The following ADK variants were observed in gnomAD, a reference collection of about 807,000 sequenced individuals.
ADK encodes adenosine kinase.
Under a neutral mutation model 44.7 loss-of-function variants are expected in ADK, and 24 were observed. That is an observed-to-expected ratio of 0.54 (90% CI 0.39 to 0.76). The LOEUF (loss-of-function observed/expected upper bound fraction) is 0.76. ADK is among the 30% of genes least tolerant of loss of function. ADK has a pLI of 0.00. For missense variants in ADK, 321 were observed against 425.1 expected (o/e 0.76, Z 2.15); for synonymous variants, 128 against 142.6 (o/e 0.90, Z 0.73).
chr10:74,294,763 A>T lies in ADK; in HGVS notation c.195-19904A>T, dbSNP rs1839751288. 1.3e-5 allele frequency among the ~76,000 whole-genome samples: 2 copies of T among 152,160 alleles called. 1 individual carries two copies. Among genetic ancestry groups the T allele is most frequent in the South Asian group, 4.1e-4 (2 of 4,824 alleles). On this transcript the variant is annotated intron_variant, in intron 3 of 10. Transcript: ENST00000539909. ...AATAAAGTTAAGCTTTTAAAAATTT[A>T]TTTATATGTTGATCAATTAGATATA...
At chr10:74,188,343 AT>A (rs765922880) in intron 1 of ADK, among the ~76,000 whole-genome samples, 9,830 of 81,282 alleles carry the variant, frequency 0.12, 167 homozygotes, top group Middle Eastern at 0.24. Flanking sequence ...TGTATTTTTA[AT>A]TTTTTTTTTT....
At chr10:74,499,485 G>A (rs369884283) in intron 6 of ADK, among the ~76,000 whole-genome samples, 1 of 152,100 alleles carries the variant, frequency 6.6e-6, no homozygotes, top group East Asian at 1.9e-4. Context: ...TCAGGAGATC[G>A]AGACCATCCT....
intron 8 of ADK, among the ~76,000 whole-genome samples, chr10:74,592,866 G>T (rs1360187482): frequency 6.6e-6 from 1 of 152,064 alleles, no homozygotes; most frequent in Non-Finnish European, 1.5e-5. Flanking sequence ...TGGCCTTTTG[G>T]CTAAGATCAA....
intron 4 of ADK, chr10:74,372,274 C>A (rs1421220099): frequency 3.9e-6 from 3 of 762,364 alleles, no homozygotes; most frequent in Non-Finnish European, 7.2e-6. Context: ...GCAGACTGGT[C>A]TGAAGGTGTG....
intron 1 of ADK, among the ~76,000 whole-genome samples, chr10:74,183,581 G>T (rs1842638295): frequency 6.6e-6 from 1 of 151,884 alleles, no homozygotes; most frequent in Non-Finnish European, 1.5e-5. Flanking sequence ...CGCCATCTTG[G>T]CTCACCGCAA....
At chr10:74,376,827 CTG>C (rs1364325269) in intron 4 of ADK, among the ~76,000 whole-genome samples, 2 of 139,422 alleles carry the variant, frequency 1.4e-5, no homozygotes, top group African/African-American at 5.4e-5. Flanking sequence ...AAAAGAGAAA[CTG>C]TGTTATTTTT....
At chr10:74,377,040 T>C (rs1309121596) in intron 4 of ADK, among the ~76,000 whole-genome samples, 1 of 152,200 alleles carries the variant, frequency 6.6e-6, no homozygotes, top group East Asian at 1.9e-4. Flanking sequence ...ATGCTGAGAT[T>C]AATCAATATG....
At chr10:74,642,810 T>C (rs1255176809) in intron 9 of ADK, among the ~76,000 whole-genome samples, 1 of 151,088 alleles carries the variant, frequency 6.6e-6, no homozygotes, top group African/African-American at 2.4e-5. Context: ...CTCTGAATTC[T>C]TATAAAATCT....
At chr10:74,560,462 A>G (rs555390074) in intron 7 of ADK, among the ~76,000 whole-genome samples, 16 of 152,364 alleles carry the variant, frequency 1.1e-4, no homozygotes, top group African/African-American at 3.8e-4. Flanking sequence ...ATCTAAGAAG[A>G]ATCTTATTTG....
In ADK at chr10:74,572,454, ACTT is replaced by A. The variant is rs372206987; in HGVS notation, c.727-16827_727-16825del. 9.0e-4 allele frequency among the ~76,000 whole-genome samples: 136 copies of A among 151,838 alleles called. 3 individuals are homozygous for A. In the East Asian group the frequency reaches 0.025, roughly 27 times the overall value. ...CCTTAACATTTTTTCCTTCATTTCA[ACTT>A]TGGTGAATCTGACAGTTATGTGTCT... is the stretch of plus-strand genomic sequence containing the variant. On this transcript the variant is annotated intron_variant, in intron 7 of 10. Coordinates refer to ENST00000539909, the MANE Select transcript of ADK (RefSeq NM_006721.4).
At chr10:74,477,527 T>G (rs1449251949) in intron 6 of ADK, among the ~76,000 whole-genome samples, 2 of 152,196 alleles carry the variant, frequency 1.3e-5, no homozygotes, top group Non-Finnish European at 1.5e-5. Flanking sequence ...TAAAAGATAA[T>G]AAGTATTCTT....
At chr10:74,349,606 A>G (rs1465039499) in intron 4 of ADK, among the ~76,000 whole-genome samples, 1 of 152,236 alleles carries the variant, frequency 6.6e-6, no homozygotes, top group Admixed American at 6.5e-5. Context: ...CCCAATTAAA[A>G]GACACGGACT....
At chr10:74,381,182 G>A (rs1842967419) in intron 4 of ADK, among the ~76,000 whole-genome samples, 1 of 152,124 alleles carries the variant, frequency 6.6e-6, no homozygotes, top group African/African-American at 2.4e-5. Context: ...TTATGATATT[G>A]TTTTCTAATT....
chr10:74,706,010 C>T (rs1032400772), intron 10 of ADK, among the ~76,000 whole-genome samples: 1 of 152,142 alleles, frequency 6.6e-6, no homozygotes, highest in Non-Finnish European at 1.5e-5. Context: ...TTAATTGTGA[C>T]AAAGTTCAGA....
chr10:74,344,935 T>C (rs1841711316), intron 4 of ADK: 1 of 155,408 alleles, frequency 6.4e-6, no homozygotes. Flanking sequence ...GCACAGGCTC[T>C]CACATCTGAC....
chr10:74,634,797 T>A (rs971713542), intron 9 of ADK, among the ~76,000 whole-genome samples: 19 of 151,902 alleles, frequency 1.3e-4, no homozygotes, highest in African/African-American at 4.4e-4. Context: ...ATACAAAAAT[T>A]AGCTGGGTGC....
intron 3 of ADK, among the ~76,000 whole-genome samples, chr10:74,231,316 C>A (rs1397855587): frequency 2.3e-4 from 35 of 152,152 alleles, no homozygotes; most frequent in Non-Finnish European, 4.4e-5. Context: ...CTTCCCATTT[C>A]TTTGAACAGT....
chr10:74,465,995 G>A (rs906269991), intron 6 of ADK, among the ~76,000 whole-genome samples: 1 of 152,042 alleles, frequency 6.6e-6, no homozygotes, highest in Admixed American at 6.6e-5. Flanking sequence ...GCATATTAGT[G>A]AAAACACAAC....
intron 1 of ADK, among the ~76,000 whole-genome samples, chr10:74,166,158 T>C (rs1467578215): frequency 1.3e-5 from 2 of 152,204 alleles, no homozygotes; most frequent in African/African-American, 4.8e-5. Flanking sequence ...CTGGCTGGTC[T>C]TGAAGTTCCA....
Sources: gnomAD v4.1 joint callset for allele counts (sites outside exome capture counted in the v4.1 genomes callset) on GRCh38, gnomAD v4.1.1 for gene constraint, MANE v1.5 for transcripts, NCBI Gene and HGNC (gene_info 2026-07-23, HGNC 2026-07-21) for gene names.